SCHIP1: variants seen among roughly 807,000 people sequenced by gnomAD.
SCHIP1 encodes the protein schwannomin interacting protein 1, also known as schwannomin-interacting protein 1.
Under a neutral mutation model 29.7 loss-of-function variants are expected in SCHIP1, and 8 were observed. The ratio of observed to expected loss-of-function variants is 0.27; its 90% confidence interval spans 0.16 to 0.49. The LOEUF is 0.49. Among genes scored for constraint, SCHIP1 ranks in the 20% least tolerant of loss-of-function variants. The pLI is 0.99. For synonymous variants in SCHIP1, 76 were observed against 94.9 expected, an observed-to-expected ratio of 0.80 and a Z score of 1.16; for missense variants, 193 against 294.6, an observed-to-expected ratio of 0.66 and a Z score of 2.52.
chr3:159,626,247 TCTATATAGATAGATAGATAGATAGATAG>T, the SCHIP1 span, among the ~76,000 whole-genome samples: 1 of 110,746 alleles, frequency 9.0e-6, no homozygotes, highest in Non-Finnish European at 1.7e-5. Context: ...TATCTATCTA[TCTATATAGATAGATAGATAGATAGATAG>T]ATAGATAGAT....
the SCHIP1 span, among the ~76,000 whole-genome samples, chr3:159,602,685 G>A: frequency 6.6e-6 from 1 of 150,760 alleles, no homozygotes; most frequent in African/African-American, 2.5e-5. Flanking sequence ...CTCTAGCCTG[G>A]GCGACAGAGC....
the SCHIP1 span, among the ~76,000 whole-genome samples, chr3:159,557,765 T>C: frequency 6.6e-6 from 1 of 152,224 alleles, no homozygotes; most frequent in African/African-American, 2.4e-5. Context: ...TGAGCTGCAG[T>C]AATATGCTTC....
the SCHIP1 span, among the ~76,000 whole-genome samples, chr3:159,616,138 A>G: frequency 7.4e-6 from 1 of 136,026 alleles, no homozygotes; most frequent in African/African-American, 3.8e-5. Context: ...CTGGAATACT[A>G]TGAGTAGAGT....
chr3:159,423,602 C>T, the SCHIP1 span, among the ~76,000 whole-genome samples: 8 of 152,198 alleles, frequency 5.3e-5, no homozygotes, highest in Non-Finnish European at 1.2e-4. Flanking sequence ...GGCCTGCCTG[C>T]CTCTGTAGGT....
the SCHIP1 span, among the ~76,000 whole-genome samples, chr3:159,757,135 A>T: frequency 2.6e-5 from 4 of 152,228 alleles, no homozygotes. Context: ...CTACTGGTAC[A>T]AATTTACTGT....
chr3:159,428,468 T>G, the SCHIP1 span, among the ~76,000 whole-genome samples: 54 of 152,300 alleles, frequency 3.5e-4, no homozygotes, highest in African/African-American at 1.1e-3. Flanking sequence ...CTGGCCATCA[T>G]AGAAACGCAA....
chr3:159,387,008 GGGGCAGAGACATTGCCAGTGCATCTGA>G, the SCHIP1 span: 1 of 158,170 alleles, frequency 6.3e-6, no homozygotes, highest in Non-Finnish European at 1.4e-5. Flanking sequence ...CTTAGGCAAA[GGGGCAGAGACATTGCCAGTGCATCTGA>G]GGGCAGAGAT....
At chr3:159,379,398 C>T in the SCHIP1 span, among the ~76,000 whole-genome samples, 17 of 151,992 alleles carry the variant, frequency 1.1e-4, 1 homozygote, top group African/African-American at 3.4e-4. Flanking sequence ...ATTTTTTGTA[C>T]CTTTAGTAGA....
chr3:159,830,882 A>G, the SCHIP1 span, among the ~76,000 whole-genome samples: 2 of 152,228 alleles, frequency 1.3e-5, no homozygotes, highest in East Asian at 3.8e-4. Flanking sequence ...ACTACTTAGG[A>G]TATGGCACAG....
the SCHIP1 span, among the ~76,000 whole-genome samples, chr3:159,558,482 G>A: frequency 6.6e-6 from 1 of 152,188 alleles, no homozygotes; most frequent in African/African-American, 2.4e-5. Flanking sequence ...AGGACAATAA[G>A]AGAATCTGGG....
chr3:159,865,658 T>C (rs896598535), intron 1 of SCHIP1, among the ~76,000 whole-genome samples: 1 of 152,228 alleles, frequency 6.6e-6, no homozygotes, highest in Non-Finnish European at 1.5e-5. Flanking sequence ...CTGGGTTCTC[T>C]TCTGGCCTTA....
At chr3:159,836,926 A>G (rs751601672), upstream of SCHIP1, among the ~76,000 whole-genome samples, 4 of 152,358 alleles carry the variant, frequency 2.6e-5, no homozygotes, top group Non-Finnish European at 5.9e-5. Flanking sequence ...TTTCCAATGA[A>G]TGACTATAAA....
chr3:159,494,327 A>G, the SCHIP1 span, among the ~76,000 whole-genome samples: 2 of 152,228 alleles, frequency 1.3e-5, no homozygotes, highest in African/African-American at 4.8e-5. Context: ...TGGTTTTTTG[A>G]AAAGATCAAC....
chr3:159,608,895 A>T, the SCHIP1 span, among the ~76,000 whole-genome samples: 2 of 152,210 alleles, frequency 1.3e-5, no homozygotes, highest in Non-Finnish European at 2.9e-5. Context: ...GCACTCTCTC[A>T]GTTTACAAGT....
At chr3:159,650,476 G>A in the SCHIP1 span, among the ~76,000 whole-genome samples, 1 of 152,266 alleles carries the variant, frequency 6.6e-6, no homozygotes, top group East Asian at 1.9e-4. Flanking sequence ...GTATAGAGAA[G>A]TCACCTGATA....
chr3:159,668,626 CTG>C, the SCHIP1 span, among the ~76,000 whole-genome samples: 417 of 152,256 alleles, frequency 2.7e-3, 1 homozygote, highest in African/African-American at 9.0e-3. Flanking sequence ...ACCTGGCACA[CTG>C]GGCCTCTCTG....
chr3:159,683,344 C>T, the SCHIP1 span, among the ~76,000 whole-genome samples: 1 of 152,148 alleles, frequency 6.6e-6, no homozygotes, highest in Non-Finnish European at 1.5e-5. Flanking sequence ...AGCCACTGTT[C>T]CCGGCCCAGG....
the SCHIP1 span, among the ~76,000 whole-genome samples, chr3:159,295,592 A>G: frequency 6.6e-6 from 1 of 152,018 alleles, no homozygotes; most frequent in East Asian, 1.9e-4. Context: ...CTGCTTACAT[A>G]TCCACCTATA....
the SCHIP1 span, among the ~76,000 whole-genome samples, chr3:159,525,220 AGTTT>A: frequency 3.3e-5 from 5 of 152,136 alleles, no homozygotes; most frequent in Non-Finnish European, 1.5e-5. Context: ...CCATTTCCTT[AGTTT>A]ATTTTTCTCC....
Sources: gnomAD v4.1 joint callset for allele counts (sites outside exome capture counted in the v4.1 genomes callset) on GRCh38, gnomAD v4.1.1 for gene constraint, MANE v1.5 for transcripts, NCBI Gene and HGNC (gene_info 2026-07-23, HGNC 2026-07-21) for gene names.